CAST: variants seen among roughly 807,000 people sequenced by gnomAD.
The protein encoded by CAST is MIR583 host.
In CAST, 76 loss-of-function variants were observed where a neutral mutation model predicts 119.6. That is an observed-to-expected ratio of 0.64 (90% confidence interval 0.53 to 0.77). CAST has a LOEUF of 0.77. Among genes scored for constraint, CAST ranks in the 30% least tolerant of loss-of-function variants. CAST has a pLI of 0.00. For synonymous variants in CAST, 319 were observed against 331.6 expected (o/e 0.96, Z 0.41); for missense variants, 953 against 946.5 (o/e 1.01, Z -0.09).
upstream of CAST, among the ~76,000 whole-genome samples, chr5:96,659,237 G>A (rs114664338): frequency 0.012 from 1,790 of 152,346 alleles, 27 homozygotes; most frequent in Non-Finnish European, 0.02. Context: ...TAGACATGAG[G>A]TGAACACACA....
chr5:96,677,105 C>G (rs937538302), intron 2 of CAST, among the ~76,000 whole-genome samples: 2 of 151,796 alleles, frequency 1.3e-5, no homozygotes, highest in African/African-American at 2.4e-5. Context: ...TCAACCCTAC[C>G]CTTTAAATAT....
intron 2 of CAST, among the ~76,000 whole-genome samples, chr5:96,690,170 C>T (rs1752564048): frequency 6.6e-6 from 1 of 152,166 alleles, no homozygotes; most frequent in African/African-American, 2.4e-5. Flanking sequence ...GTGTGCTCAC[C>T]ATAGTGGGTG....
the CAST span, among the ~76,000 whole-genome samples, chr5:96,281,361 C>T: frequency 1.3e-5 from 2 of 152,130 alleles, no homozygotes; most frequent in African/African-American, 4.8e-5. Flanking sequence ...TTTGCTCTGC[C>T]TTTCTCTGAG....
At chr5:96,453,106 A>C in the CAST span, among the ~76,000 whole-genome samples, 2 of 151,924 alleles carry the variant, frequency 1.3e-5, no homozygotes, top group Non-Finnish European at 2.9e-5. Flanking sequence ...GTTAAGGAAG[A>C]AGGCATACAC....
chr5:96,136,307 G>A, the CAST span, among the ~76,000 whole-genome samples: 3 of 151,814 alleles, frequency 2.0e-5, no homozygotes, highest in Admixed American at 6.6e-5. Flanking sequence ...TTTTCAGTTC[G>A]CTCCTGTCTC....
the CAST span, among the ~76,000 whole-genome samples, chr5:95,981,892 C>T: frequency 3.9e-5 from 6 of 151,902 alleles, no homozygotes; most frequent in Non-Finnish European, 8.8e-5. Flanking sequence ...GAAAAAAAAG[C>T]ATTTTATTTG....
chr5:96,693,298 C>T (rs1368807470), intron 2 of CAST, among the ~76,000 whole-genome samples: 1 of 152,176 alleles, frequency 6.6e-6, no homozygotes, highest in Non-Finnish European at 1.5e-5. Context: ...ATTAGTAAGT[C>T]ATTTTCAGCA....
chr5:96,737,984 G>GGGTA, intron 11 of CAST, 37 bp downstream of exon 11: 1 of 1,183,306 alleles, frequency 8.5e-7, no homozygotes, highest in Non-Finnish European at 1.3e-6. Context: ...TTCATACTCA[G>GGGTA]TGGGTAGGAG....
the CAST span, chr5:96,393,387 T>C: frequency 6.2e-7 from 1 of 1,613,314 alleles, no homozygotes; most frequent in South Asian, 1.1e-5. Flanking sequence ...TCCTAAAACA[T>C]AGAATGCCAT....
At chr5:96,616,757 C>T (rs774429590) in intron 1 of CAST, among the ~76,000 whole-genome samples, 1,280 of 86,118 alleles carry the variant, frequency 0.015, 10 homozygotes, top group African/African-American at 0.019. Flanking sequence ...TATATATACA[C>T]ACACACACAC....
chr5:96,573,558 G>C (rs958389721), intron 1 of CAST, among the ~76,000 whole-genome samples: 1 of 152,022 alleles, frequency 6.6e-6, no homozygotes, highest in Non-Finnish European at 1.5e-5. Flanking sequence ...AGAATGGCTT[G>C]AGCCCAAGGA....
the CAST span, among the ~76,000 whole-genome samples, chr5:96,311,219 ATATAT>A: frequency 6.6e-6 from 1 of 151,966 alleles, no homozygotes; most frequent in Non-Finnish European, 1.5e-5. Flanking sequence ...GTTTCATTTC[ATATAT>A]TAATGAGTTT....
At chr5:96,756,542 G>A (rs1021676310) in intron 22 of CAST, among the ~76,000 whole-genome samples, 1 of 152,140 alleles carries the variant, frequency 6.6e-6, no homozygotes, top group African/African-American at 2.4e-5. Flanking sequence ...AATCCAAAAT[G>A]CCCCCGTGAG....
At chr5:96,558,571 T>C (rs528940644) in intron 1 of CAST, among the ~76,000 whole-genome samples, 2 of 152,256 alleles carry the variant, frequency 1.3e-5, no homozygotes, top group South Asian at 4.1e-4. Flanking sequence ...CAGAGAATAC[T>C]ATAAACACCT....
chr5:96,015,646 A>T, the CAST span, among the ~76,000 whole-genome samples: 1 of 152,226 alleles, frequency 6.6e-6, no homozygotes, highest in East Asian at 1.9e-4. Context: ...GAGGATGAAC[A>T]GGGTAATGAT....
At chr5:96,446,432 G>A in the CAST span, among the ~76,000 whole-genome samples, 1 of 152,132 alleles carries the variant, frequency 6.6e-6, no homozygotes, top group Non-Finnish European at 1.5e-5. Flanking sequence ...GGAGGGACTG[G>A]ACAGCCCCAT....
At chr5:96,375,478 T>C in the CAST span, among the ~76,000 whole-genome samples, 1 of 151,872 alleles carries the variant, frequency 6.6e-6, no homozygotes, top group African/African-American at 2.4e-5. Context: ...ATGAGTTTAC[T>C]ACACAATGTA....
chr5:96,227,966 C>T, the CAST span, among the ~76,000 whole-genome samples: 2 of 151,888 alleles, frequency 1.3e-5, no homozygotes, highest in East Asian at 3.9e-4. Flanking sequence ...TCAGCTTCAC[C>T]GATTTCACAT....
At chr5:96,433,425 G>A in the CAST span, 1 of 341,866 alleles carries the variant, frequency 2.9e-6, no homozygotes. Flanking sequence ...CTGTTTGCTG[G>A]GATCAGTTAA....
Sources: allele counts gnomAD v4.1 joint callset (sites outside exome capture counted in the v4.1 genomes callset), GRCh38; gene constraint gnomAD v4.1.1; transcripts MANE v1.5; gene names NCBI Gene and HGNC (gene_info 2026-07-23, HGNC 2026-07-21).